The following DLG2 variants were observed in gnomAD, a reference collection of about 807,000 sequenced individuals.
DLG2 encodes disks large homolog 2.
In DLG2, 45 loss-of-function variants were observed where a neutral mutation model predicts 132.5. The observed-to-expected ratio is 0.34, with a 90% CI of 0.27 to 0.44. DLG2 has a LOEUF of 0.44. DLG2 is among the 20% of genes least tolerant of loss of function. The probability of loss-of-function intolerance (pLI) is 1.00; values close to 1 mark genes in which losing one functional copy is unlikely to be tolerated. For missense variants in DLG2, 1,045 were observed against 1,196.9 expected (o/e 0.87, Z 1.87); for synonymous variants, 424 against 419.6 (o/e 1.01, Z -0.13).
chr11:85,508,283 C>T (rs771966480), intron 3 of DLG2, among the ~76,000 whole-genome samples: 3 of 151,956 alleles, frequency 2.0e-5, no homozygotes, highest in Non-Finnish European at 4.4e-5. Context: ...CTCCTTTGCT[C>T]ACTCTGCTGC....
chr11:84,365,288 G>A lies in DLG2; in HGVS notation c.520-113997C>T, dbSNP rs1377705088. On this transcript the variant is annotated intron_variant, in intron 7 of 27. Transcript: ENST00000376104. Reference sequence around the variant, plus strand: ...TTATCCATTTCTTCTAGATTTTCTAGTTTATTTGCGTAGAGGTGTTTGTAG... The same window carrying A: ...TTATCCATTTCTTCTAGATTTTCTAATTTATTTGCGTAGAGGTGTTTGTAG... 2.0e-5 allele frequency among the ~76,000 whole-genome samples: 3 copies of A among 152,248 alleles called. No individual in the cohort carries two copies. The East Asian group carries it at 5.8e-4, about 29-fold the overall frequency.
chr11:83,588,194 CA>C (rs1325788441), intron 19 of DLG2, among the ~76,000 whole-genome samples: 24 of 151,928 alleles, frequency 1.6e-4, no homozygotes, highest in Admixed American at 9.2e-4. Flanking sequence ...CACAGACAAA[CA>C]AAAAGACAGC....
Position 85,372,241 on chromosome 11 carries a change from T to C in DLG2, c.41-86876A>G, listed in dbSNP as rs569334873. ...GTAGAATATCCATCACTTGGAAGTT[T>C]CCTTTTTGGGAAAGTAAGACTGAGG... On this transcript the variant is annotated intron_variant, in intron 3 of 27. Coordinates refer to ENST00000376104, the MANE Select transcript of DLG2 (RefSeq NM_001142699.3). 1.4e-4 allele frequency among the ~76,000 whole-genome samples: 21 copies of C among 152,316 alleles called. No individual in the cohort carries two copies. In the South Asian group the frequency reaches 4.1e-3, roughly 30 times the overall value.
At chr11:83,956,924 A>T (rs1366512226) in intron 14 of DLG2, among the ~76,000 whole-genome samples, 1 of 152,202 alleles carries the variant, frequency 6.6e-6, no homozygotes, top group Non-Finnish European at 1.5e-5. Context: ...TTGGGTACTT[A>T]AGTGTACCTT....
At chr11:84,236,415 C>T (rs1032296406) in intron 8 of DLG2, among the ~76,000 whole-genome samples, 1 of 152,190 alleles carries the variant, frequency 6.6e-6, no homozygotes, top group African/African-American at 2.4e-5. Flanking sequence ...CAATAACCTA[C>T]CTCAAGGTCA....
intron 8 of DLG2, among the ~76,000 whole-genome samples, chr11:84,229,889 G>A (rs929399752): frequency 1.3e-5 from 2 of 152,144 alleles, no homozygotes; most frequent in Non-Finnish European, 2.9e-5. Flanking sequence ...TACTGAGTAA[G>A]CACTCAATAA....
chr11:84,698,654 G>GA (rs898522984), intron 6 of DLG2, among the ~76,000 whole-genome samples: 10 of 151,416 alleles, frequency 6.6e-5, no homozygotes, highest in African/African-American at 2.4e-4. Context: ...ATGTGTATCT[G>GA]AAAAAATTAA....
intron 7 of DLG2, among the ~76,000 whole-genome samples, chr11:84,417,615 C>T: frequency 6.6e-6 from 1 of 152,144 alleles, no homozygotes; most frequent in East Asian, 1.9e-4. Context: ...CAAACACATA[C>T]CCAACCCTGA....
intron 6 of DLG2, among the ~76,000 whole-genome samples, chr11:84,616,956 T>G (rs2154539924): frequency 6.6e-6 from 1 of 151,594 alleles, no homozygotes; most frequent in African/African-American, 2.4e-5. Context: ...GATATCATCA[T>G]CCAGTTCTTC....
intron 6 of DLG2, among the ~76,000 whole-genome samples, chr11:85,011,082 C>T (rs951152264): frequency 6.6e-5 from 10 of 152,070 alleles, no homozygotes; most frequent in African/African-American, 1.4e-4. Flanking sequence ...GCCAATATGC[C>T]TCAGTCATGT....
At chr11:83,756,878 G>C (rs748805089) in intron 18 of DLG2, among the ~76,000 whole-genome samples, 13 of 152,222 alleles carry the variant, frequency 8.5e-5, no homozygotes, top group Non-Finnish European at 1.8e-4. Flanking sequence ...TTTCAGCTTT[G>C]TTCAGCAAAT....
At chr11:83,522,738 A>T (rs1156797341) in intron 21 of DLG2, among the ~76,000 whole-genome samples, 3 of 152,002 alleles carry the variant, frequency 2.0e-5, no homozygotes, top group Non-Finnish European at 2.9e-5. Context: ...ACATCTCAGA[A>T]AGAGAAGCTA....
chr11:84,417,485 T>G (rs185353834), intron 7 of DLG2, among the ~76,000 whole-genome samples: 8 of 152,256 alleles, frequency 5.3e-5, no homozygotes, highest in Admixed American at 5.2e-4. Context: ...TCATACATAG[T>G]CCCTCATCGG....
chr11:85,253,131 A>G (rs192077681), intron 4 of DLG2, among the ~76,000 whole-genome samples: 253 of 152,328 alleles, frequency 1.7e-3, no homozygotes, highest in African/African-American at 5.8e-3. Flanking sequence ...GCTCTAATGC[A>G]TAGCATATAC....
chr11:85,424,791 A>G lies in DLG2; in HGVS notation c.41-139426T>C, dbSNP rs116742369. On this transcript the variant is annotated intron_variant, in intron 3 of 27. Transcript: ENST00000376104. ...ATATTCCAAGCTCTCTACAATGACA[A>G]TGTGAGGATACAAGGGAAAAACAGC... Among the ~76,000 whole-genome samples the G allele has an allele frequency of 5.6e-3, 848 of 152,260 alleles. 9 individuals are homozygous for G. Among genetic ancestry groups the G allele is most frequent in the African/African-American group, 0.019 (784 of 41,542 alleles).
chr11:84,750,302 C>T (rs1202108363), intron 6 of DLG2, among the ~76,000 whole-genome samples: 3 of 152,014 alleles, frequency 2.0e-5, no homozygotes, highest in African/African-American at 7.2e-5. Flanking sequence ...GCTCTTCTTC[C>T]TGAATATTTG....
chr11:83,554,042 C>T lies in DLG2; in HGVS notation c.1941-12184G>A, dbSNP rs559251877. ...CTGAGTAGCTGAGTAGTAACCATGT[C>T]GGGCTAATGTTTTCATGTTTTGTAG... On this transcript the variant is annotated intron_variant, in intron 19 of 27. Coordinates refer to ENST00000376104, the MANE Select transcript of DLG2 (RefSeq NM_001142699.3). Among the ~76,000 whole-genome samples, 258 of 151,810 alleles carry T rather than the reference C, an allele frequency of 1.7e-3. 1 individual carries two copies. The highest frequency in any genetic ancestry group is 2.6e-3 in the Non-Finnish European group (179 of 67,936).
At chr11:84,400,427 G>GTAAA (rs959662407) in intron 7 of DLG2, among the ~76,000 whole-genome samples, 1 of 152,170 alleles carries the variant, frequency 6.6e-6, no homozygotes, top group African/African-American at 2.4e-5. Context: ...AAGACTGGAA[G>GTAAA]TAAAGACTGC....
At chr11:84,758,296 A>G (rs2067160917) in intron 6 of DLG2, among the ~76,000 whole-genome samples, 1 of 152,228 alleles carries the variant, frequency 6.6e-6, no homozygotes, top group Non-Finnish European at 1.5e-5. Context: ...TGGATTTTTT[A>G]CAGGCAGCTG....
Sources: gnomAD v4.1 joint callset for allele counts (sites outside exome capture counted in the v4.1 genomes callset) on GRCh38, gnomAD v4.1.1 for gene constraint, MANE v1.5 for transcripts, NCBI Gene and HGNC (gene_info 2026-07-23, HGNC 2026-07-21) for gene names.